Variants in GIGYF1 observed in about 807,000 individuals in gnomAD.
GIGYF1 encodes the protein GRB10-interacting GYF protein 1.
In GIGYF1, 84 loss-of-function variants were observed where a neutral mutation model predicts 147.1. That is an observed-to-expected ratio of 0.57 (90% CI 0.48 to 0.68). The LOEUF is 0.68. GIGYF1 is among the 30% of genes least tolerant of loss of function. The probability of loss-of-function intolerance (pLI) is 0.00; values close to 1 mark genes in which losing one functional copy is unlikely to be tolerated. For synonymous variants in GIGYF1, 752 were observed against 589.5 expected (o/e 1.28, Z -3.99); for missense variants, 1,485 against 1,393.7 (o/e 1.07, Z -1.04).
Position 100,686,642 on chromosome 7 carries a change from A to G in GIGYF1, c.694+7T>C, listed in dbSNP as rs372513826. 27 of 1,607,378 alleles carry G rather than the reference A, an allele frequency of 1.7e-5. No homozygotes were observed. The African/African-American group carries it at 2.3e-4, about 14-fold the overall frequency. Reference sequence around the variant, plus strand: ...CCCCCGCCAATGCTACCAGGCCCCAATCTCACCAGGGCTGGCGGAGCGCCA... The same window carrying G: ...CCCCCGCCAATGCTACCAGGCCCCAGTCTCACCAGGGCTGGCGGAGCGCCA... On this transcript the variant is annotated splice_region_variant and intron_variant, in intron 10 of 26. Transcript: ENST00000678049.
chr7:100,686,668 G>GCGGTCGCCGTCT lies in GIGYF1; in HGVS notation c.663_674dup (p.Asp222_Arg225dup), dbSNP rs1562880251. On this transcript the variant is annotated inframe_insertion, in exon 10 of 27. Coordinates refer to ENST00000678049, the MANE Select transcript of GIGYF1 (RefSeq NM_001375765.1). ...TCTCACCAGGGCTGGCGGAGCGCCA[G>GCGGTCGCCGTCT]CGGTCGCCGTCTCGCCGGGGCCCTG... 7 of 1,612,280 alleles carry GCGGTCGCCGTCT rather than the reference G, an allele frequency of 4.3e-6. No homozygotes were observed. Among genetic ancestry groups the GCGGTCGCCGTCT allele is most frequent in the Non-Finnish European group, 4.2e-6 (5 of 1,179,582 alleles).
Position 100,684,146 on chromosome 7 carries a change from G to T in GIGYF1, c.1742C>A (p.Pro581Gln). The T allele has an allele frequency of 6.2e-7, 1 of 1,608,440 alleles. No individual in the cohort carries two copies. ...FLQLVSSRQLPQCALREKAAL... is the reference protein window; with the variant it reads ...FLQLVSSRQLQQCALREKAAL... ...TGCCTTTTCTCGGAGCGCGCACTGT[G>T]GGAGCTGGCGGCTGCAAATGGGACA... Residue 581 changes from proline (P) to glutamine (Q), a missense_variant, in exon 18 of 27, where the codon CCA becomes CAA. Pro to Gln is a moderately conservative substitution (Grantham distance 76). Transcript: ENST00000678049.
intron 9 of GIGYF1, 80 bp downstream of exon 9, chr7:100,686,926 C>T: frequency 6.2e-7 from 1 of 1,606,204 alleles, no homozygotes. Context: ...CCCAACACCT[C>T]CGAAATAAGC....
Position 100,685,968 on chromosome 7 carries a change from G to A in GIGYF1, c.1054+6C>T, listed in dbSNP as rs751811470. 8.1e-6 allele frequency: 13 copies of A among 1,610,600 alleles called. No individual in the cohort carries two copies. The Admixed American group carries it at 2.2e-4, about 27-fold the overall frequency. ...CCCCAGGCCCGCTGGGCACCCCGCG[G>A]CTCACCTGCCTCAGGCCCTTCCTCC... On this transcript the variant is annotated splice_donor_region_variant and intron_variant, in intron 12 of 26. Coordinates refer to ENST00000678049, the MANE Select transcript of GIGYF1 (RefSeq NM_001375765.1).
rs1452044618 is a variant in GIGYF1, at chr7:100,679,847, C to T, written c.*1872G>A. On this transcript the variant is annotated 3_prime_UTR_variant, in exon 27 of 27. Transcript: ENST00000678049. ...GTTAAGGCCTCTCCAGGCTCATGGG[C>T]CCCCTAAGTCCAAAGTCTCTTTAGC... is the stretch of plus-strand genomic sequence containing the variant. The T allele has an allele frequency of 6.6e-6, 1 of 152,510 alleles. No individual in the cohort carries two copies. Among genetic ancestry groups the T allele is most frequent in the African/African-American group, 2.4e-5 (1 of 41,392 alleles). 9.4% of individuals were successfully genotyped at this position (152,510 alleles called of 1,614,324 possible).
chr7:100,688,272 G>C lies in GIGYF1; in HGVS notation c.-34C>G, dbSNP rs199608510. ...TGGGCGTGTTTGAGAGGCCGGGGGT[G>C]GGGAGGAGGGGACCTGGCGTTCACT... is the stretch of plus-strand genomic sequence containing the variant. On this transcript the variant is annotated 5_prime_UTR_variant, in exon 4 of 27. Coordinates refer to ENST00000678049, the MANE Select transcript of GIGYF1 (RefSeq NM_001375765.1). 1.5e-6 allele frequency: 2 copies of C among 1,357,062 alleles called. No homozygotes were observed. Among genetic ancestry groups the C allele is most frequent in the African/African-American group, 2.8e-5 (2 of 71,120 alleles). 84.1% of individuals were successfully genotyped at this position (1,357,062 alleles called of 1,614,324 possible). A position where few individuals can be genotyped will look rare whatever the true frequency, so the allele number is the denominator to read the frequency against.
Position 100,688,293 on chromosome 7 carries a change from T to C in GIGYF1, c.-55A>G. 3 of 1,240,890 alleles carry C rather than the reference T, an allele frequency of 2.4e-6. No homozygotes were observed. Among genetic ancestry groups the C allele is most frequent in the Non-Finnish European group, 1.2e-6 (1 of 846,798 alleles). The allele number at this position is 1,240,890 out of a possible 1,614,324, so 76.9% of individuals were successfully genotyped here. ...GGGTGGGGAGGAGGGGACCTGGCGT[T>C]CACTGTCCAAACACCTGTGGGGGAA... is the stretch of plus-strand genomic sequence containing the variant. On this transcript the variant is annotated 5_prime_UTR_variant, in exon 4 of 27. Transcript: ENST00000678049.
chr7:100,686,856 G>A (rs1159121579), intron 9 of GIGYF1, 37 bp from the exon 10 acceptor site: 3 of 1,607,460 alleles, frequency 1.9e-6, no homozygotes, highest in South Asian at 1.1e-5. Flanking sequence ...TATTAGAAAG[G>A]CAGCGTGGTG....
At chr7:100,692,229 G>A (rs990508369) in intron 1 of GIGYF1, among the ~76,000 whole-genome samples, 4 of 152,196 alleles carry the variant, frequency 2.6e-5, no homozygotes, top group African/African-American at 9.6e-5. Flanking sequence ...GCGGCTGGTC[G>A]GTTATCCCAG....
In GIGYF1 at chr7:100,681,743, C is replaced by A. The variant is rs780946442; in HGVS notation, c.3084G>T (p.Glu1028Asp). 7.6e-6 allele frequency: 12 copies of A among 1,580,016 alleles called. No individual in the cohort carries two copies. Among genetic ancestry groups the A allele is most frequent in the Non-Finnish European group, 1.0e-5 (12 of 1,162,436 alleles). Reference sequence around the variant, plus strand: ...GTCAGTAGTCATCCACGCTCTCGATCTCACCAGAAGATCCGTGCAGGGAGT... The same window carrying A: ...GTCAGTAGTCATCCACGCTCTCGATATCACCAGAAGATCCGTGCAGGGAGT... ...LGYSLHGSSG[E>D]IESVDDY Residue 1028 changes from glutamate to aspartate, a missense_variant, in exon 27 of 27, where the codon GAG (glutamate) becomes GAT (aspartate). Glu to Asp is a conservative substitution (Grantham distance 45). Coordinates refer to ENST00000678049, the MANE Select transcript of GIGYF1 (RefSeq NM_001375765.1).
intron 25 of GIGYF1, 21 bp downstream of exon 25, chr7:100,682,051 T>G: frequency 6.2e-7 from 1 of 1,611,982 alleles, no homozygotes; most frequent in East Asian, 2.2e-5. Context: ...CCACCCCAGC[T>G]GCTGGTGCCG....
Position 100,686,319 on chromosome 7 carries a change from C to T in GIGYF1, c.809G>A (p.Gly270Glu), listed in dbSNP as rs1805333772. 3 of 1,613,784 alleles carry T rather than the reference C, an allele frequency of 1.9e-6. No individual in the cohort carries two copies. The highest frequency in any genetic ancestry group is 3.3e-5 in the Admixed American group (2 of 60,004). The change falls in exon 11 of 27, where the codon GGA becomes GAA. Residue 270 changes from glycine to glutamate, a missense_variant. Gly to Glu is a moderately conservative substitution (Grantham distance 98). Coordinates refer to ENST00000678049, the MANE Select transcript of GIGYF1 (RefSeq NM_001375765.1). ...GCGEEEGRGG[G>E]GSSHLRRCRA... ...GCACCGCCGCAGGTGAGAGCTGCCT[C>T]CCCCTCCCCGCCCCTCCTCTTCACC...
At chr7:100,692,091 C>T (rs1193598712) in intron 1 of GIGYF1, among the ~76,000 whole-genome samples, 1 of 152,268 alleles carries the variant, frequency 6.6e-6, no homozygotes, top group African/African-American at 2.4e-5. Context: ...AATTCCTCAA[C>T]ACTGGAACAA....
intron 8 of GIGYF1, 105 bp downstream of exon 8, chr7:100,687,193 C>G: frequency 6.9e-7 from 1 of 1,452,566 alleles, no homozygotes; most frequent in Non-Finnish European, 9.6e-7. Flanking sequence ...ACCGGGATCT[C>G]GGACAGGGCT....
At chr7:100,683,520 C>T in intron 20 of GIGYF1, 30 bp downstream of exon 20, 1 of 1,613,460 alleles carries the variant, frequency 6.2e-7, no homozygotes, top group Non-Finnish European at 8.5e-7. Context: ...CCTTCATTCC[C>T]AGGGCCTCAG....
Position 100,688,995 on chromosome 7 carries a change from G to A in GIGYF1, c.-538C>T, listed in dbSNP as rs952521221. The A allele has an allele frequency of 3.9e-5, 6 of 153,110 alleles. No individual in the cohort carries two copies. The highest frequency in any genetic ancestry group is 7.2e-5 in the African/African-American group (3 of 41,442). The allele number at this position is 153,110 out of a possible 1,614,324, so 9.5% of individuals were successfully genotyped here. A position where few individuals can be genotyped will look rare whatever the true frequency, so the allele number is the denominator to read the frequency against. The stretch of plus-strand genomic sequence containing the variant: ...GCCACAAATAGCTTACAGAGAAAAG[G>A]TCAGTTACGGAGAAAAGGATTAGAA... On this transcript the variant is annotated 5_prime_UTR_variant, in exon 2 of 27. Coordinates refer to ENST00000678049, the MANE Select transcript of GIGYF1 (RefSeq NM_001375765.1).
Position 100,686,659 on chromosome 7 carries a change from G to A in GIGYF1, c.684C>T (p.Ser228=), listed in dbSNP as rs780018581. The A allele has an allele frequency of 8.7e-6, 14 of 1,611,542 alleles. No homozygotes were observed. Among genetic ancestry groups the A allele is most frequent in the South Asian group, 7.7e-5 (7 of 90,926 alleles). ...GPRRDGDRWR[S]ASPDGGPRSA... is the part of the protein sequence containing the mutation. ...AGGCCCCAATCTCACCAGGGCTGGC[G>A]GAGCGCCAGCGGTCGCCGTCTCGCC... Residue 228 remains serine, a synonymous_variant, in exon 10 of 27, where the codon TCC becomes TCT. Coordinates refer to ENST00000678049, the MANE Select transcript of GIGYF1 (RefSeq NM_001375765.1).
In GIGYF1 at chr7:100,687,530, T is replaced by G; in HGVS notation, c.348A>C (p.Arg116=). 1.2e-6 allele frequency: 2 copies of G among 1,612,274 alleles called. No homozygotes were observed. Among genetic ancestry groups the G allele is most frequent in the South Asian group, 2.2e-5 (2 of 91,002 alleles). ...CTCGGCTCCGCGTGCTGCCCCTGCC[T>G]CGGGAGGTGCCAGCCAGGGGGGGGC... ...GAGPPLAGTS[R]GRGSTRSRGR... Residue 116 remains arginine, a synonymous_variant, in exon 7 of 27, where the codon CGA becomes CGC. Transcript: ENST00000678049.
In GIGYF1 at chr7:100,681,958, G is replaced by A. The variant is rs371389256; in HGVS notation, c.2961C>T (p.Ala987=). The change falls in exon 26 of 27, where the codon GCC becomes GCT. Residue 987 remains alanine, a synonymous_variant. Coordinates refer to ENST00000678049, the MANE Select transcript of GIGYF1 (RefSeq NM_001375765.1). Reference sequence around the variant, plus strand: ...GTTTGGTGCTGTGGTTGGCCTGGAAGGCCGTCTGCAGCGAGGCGCTGCTCA... The same window carrying A: ...GTTTGGTGCTGTGGTTGGCCTGGAAAGCCGTCTGCAGCGAGGCGCTGCTCA... The part of the protein sequence containing the change: ...AWLSSASLQT[A]FQANHSTKLG... 6.2e-6 allele frequency: 10 copies of A among 1,609,446 alleles called. No individual in the cohort carries two copies. Among genetic ancestry groups the A allele is most frequent in the African/African-American group, 4.0e-5 (3 of 75,062 alleles).
Sources: gnomAD v4.1 joint callset for allele counts (sites outside exome capture counted in the v4.1 genomes callset) on GRCh38, gnomAD v4.1.1 for gene constraint, MANE v1.5 for transcripts, NCBI Gene and HGNC (gene_info 2026-07-23, HGNC 2026-07-21) for gene names.